DGKI: variants seen among roughly 807,000 people sequenced by gnomAD.
DGKI encodes the protein diacylglycerol kinase iota.
DGKI carries 55 observed loss-of-function variants against 147.5 expected under a neutral mutation model. That is an observed-to-expected ratio of 0.37 (90% CI 0.30 to 0.47). The LOEUF is 0.47. DGKI is among the 20% of genes least tolerant of loss of function. The probability of loss-of-function intolerance (pLI) is 1.00; values close to 1 mark genes in which losing one functional copy is unlikely to be tolerated. For missense variants in DGKI, 1,007 were observed against 1,323.8 expected (o/e 0.76, Z 3.71); for synonymous variants, 469 against 477.1 (o/e 0.98, Z 0.22).
intron 8 of DGKI, among the ~76,000 whole-genome samples, chr7:137,617,900 G>A (rs1285455426): frequency 6.6e-6 from 1 of 151,292 alleles, no homozygotes. Context: ...GAAAAAGAAT[G>A]GCAGAAAAGT....
At chr7:137,582,410 C>A (rs1210402519) in intron 14 of DGKI, among the ~76,000 whole-genome samples, 1 of 149,264 alleles carries the variant, frequency 6.7e-6, no homozygotes, top group Admixed American at 6.6e-5. Context: ...ATCCATCACC[C>A]ATTTTCTCTC....
chr7:137,426,179 C>A (rs1418949942), intron 28 of DGKI, among the ~76,000 whole-genome samples: 2 of 152,148 alleles, frequency 1.3e-5, no homozygotes, highest in Non-Finnish European at 2.9e-5. Flanking sequence ...AAGGGAAGCC[C>A]ATCAGACTAA....
chr7:137,630,014 A>C (rs1821073670), intron 6 of DGKI, among the ~76,000 whole-genome samples: 1 of 152,182 alleles, frequency 6.6e-6, no homozygotes, highest in Admixed American at 6.5e-5. Flanking sequence ...AATATTCAAG[A>C]TCTTCAAAAT....
intron 1 of DGKI, among the ~76,000 whole-genome samples, chr7:137,754,269 C>T (rs1795612319): frequency 6.6e-6 from 1 of 152,286 alleles, no homozygotes; most frequent in Admixed American, 6.5e-5. Flanking sequence ...GCCTCTGCCA[C>T]ATCCACCCCC....
chr7:137,679,487 A>AT (rs1331643437), intron 2 of DGKI, among the ~76,000 whole-genome samples: 1 of 151,436 alleles, frequency 6.6e-6, no homozygotes, highest in Non-Finnish European at 1.5e-5. Context: ...ATAGATTTAT[A>AT]TATTAATTGT....
rs1483058901 is a variant in DGKI at position 137,455,565 on chromosome 7, G to A, written c.2735+7924C>T. 3.5e-5 allele frequency among the ~76,000 whole-genome samples: 5 copies of A among 142,536 alleles called. No individual in the cohort carries two copies. In the South Asian group the frequency reaches 8.9e-4, roughly 25 times the overall value. The allele number at this position is 142,536 out of a possible 152,430, so 93.5% of individuals were successfully genotyped here. On this transcript the variant is annotated intron_variant, in intron 27 of 32. Coordinates refer to ENST00000614521, the MANE Select transcript of DGKI (RefSeq NM_001321708.2). ...TAAGACCAGCATCTCACAGAGTATT[G>A]GAGAAAACTGTTGGAGGATTGTTGT...
At chr7:137,640,946 G>C (rs1437388769) in intron 6 of DGKI, among the ~76,000 whole-genome samples, 1 of 152,158 alleles carries the variant, frequency 6.6e-6, no homozygotes, top group African/African-American at 2.4e-5. Flanking sequence ...TGTTTGGTTA[G>C]GGAACTGATA....
chr7:137,782,694 C>A (rs1006519374), intron 1 of DGKI, among the ~76,000 whole-genome samples: 1 of 152,214 alleles, frequency 6.6e-6, no homozygotes, highest in African/African-American at 2.4e-5. Flanking sequence ...AACACAAAAC[C>A]AGTGCACTAA....
intron 30 of DGKI, among the ~76,000 whole-genome samples, chr7:137,399,075 C>A (rs951027214): frequency 6.6e-6 from 1 of 151,356 alleles, no homozygotes; most frequent in African/African-American, 2.4e-5. Flanking sequence ...TTTCCCAGCT[C>A]TCCCTATCCA....
At chr7:137,420,710 C>T (rs541853578) in intron 28 of DGKI, among the ~76,000 whole-genome samples, 69 of 152,180 alleles carry the variant, frequency 4.5e-4, no homozygotes, top group African/African-American at 1.6e-3. Flanking sequence ...TGTGTCTGTC[C>T]TTAATCTCTC....
At chr7:137,638,583 TACACATATATAC>T (rs1563125725) in intron 6 of DGKI, among the ~76,000 whole-genome samples, 29 of 84,342 alleles carry the variant, frequency 3.4e-4, no homozygotes, top group Non-Finnish European at 4.9e-4. Flanking sequence ...TATGTATATA[TACACATATATAC>T]ATATATGTAT....
intron 28 of DGKI, among the ~76,000 whole-genome samples, chr7:137,423,802 A>T (rs1156965138): frequency 6.6e-6 from 1 of 152,268 alleles, no homozygotes; most frequent in Admixed American, 6.5e-5. Flanking sequence ...ACAATTAAAA[A>T]ATAAATAAAA....
chr7:137,571,767 A>G (rs936235129), intron 18 of DGKI, among the ~76,000 whole-genome samples: 1 of 152,176 alleles, frequency 6.6e-6, no homozygotes, highest in Non-Finnish European at 1.5e-5. Context: ...AAATATAGAT[A>G]AGAGATTAGA....
At chr7:137,749,956 G>A (rs1470853637) in intron 1 of DGKI, among the ~76,000 whole-genome samples, 1 of 152,180 alleles carries the variant, frequency 6.6e-6, no homozygotes, top group Non-Finnish European at 1.5e-5. Context: ...GTGGGGTTGG[G>A]TAGGAGCAGA....
intron 1 of DGKI, among the ~76,000 whole-genome samples, chr7:137,714,336 C>T (rs947604236): frequency 1.3e-5 from 2 of 152,160 alleles, no homozygotes; most frequent in African/African-American, 4.8e-5. Context: ...TAAATACATA[C>T]TTTAAACAAT....
At chr7:137,690,889 T>C (rs1198587944) in intron 1 of DGKI, among the ~76,000 whole-genome samples, 22 of 152,148 alleles carry the variant, frequency 1.4e-4, no homozygotes, top group Admixed American at 1.4e-3. Flanking sequence ...GGGAGATCTG[T>C]GGGATCATCA....
intron 5 of DGKI, among the ~76,000 whole-genome samples, chr7:137,647,249 T>A (rs1022311347): frequency 6.6e-6 from 1 of 152,220 alleles, no homozygotes; most frequent in Admixed American, 6.5e-5. Flanking sequence ...TAAAATCCTA[T>A]GAGTTGTTGA....
intron 1 of DGKI, among the ~76,000 whole-genome samples, chr7:137,700,845 T>C (rs1321543696): frequency 6.6e-6 from 1 of 151,690 alleles, no homozygotes; most frequent in Non-Finnish European, 1.5e-5. Flanking sequence ...GCCACTGCAC[T>C]CCAGCCTGGG....
chr7:137,658,044 G>A (rs76980225), intron 3 of DGKI, among the ~76,000 whole-genome samples: 1,781 of 152,248 alleles, frequency 0.012, 22 homozygotes, highest in Non-Finnish European at 0.018. Context: ...CTTCCTGAGG[G>A]AAGAACATGG....
Sources: allele counts gnomAD v4.1 joint callset (sites outside exome capture counted in the v4.1 genomes callset), GRCh38; gene constraint gnomAD v4.1.1; transcripts MANE v1.5; gene names NCBI Gene and HGNC (gene_info 2026-07-23, HGNC 2026-07-21).